The following CPED1 variants were observed in gnomAD, a reference collection of about 807,000 sequenced individuals.
CPED1 encodes cadherin-like and PC-esterase domain-containing protein 1.
Under a neutral mutation model 128.2 loss-of-function variants are expected in CPED1, and 114 were observed. That is an observed-to-expected ratio of 0.89 (90% CI 0.76 to 1.04). CPED1 has a LOEUF of 1.04. CPED1 is among the 50% of genes least tolerant of loss of function. CPED1 has a pLI of 0.00. For synonymous variants in CPED1, 462 were observed against 426.7 expected, an observed-to-expected ratio of 1.08 and a Z score of -1.02; for missense variants, 1,211 against 1,207.1, an observed-to-expected ratio of 1.00 and a Z score of -0.05.
rs750240679 is a variant in CPED1, at chr7:121,128,439, A to G, written c.1360A>G (p.Ile454Val). The change falls in exon 11 of 23, where the codon ATT (isoleucine) becomes GTT (valine). Residue 454 changes from isoleucine to valine, a missense_variant. Ile to Val is a conservative substitution (Grantham distance 29, BLOSUM62 3). Coordinates refer to ENST00000310396, the MANE Select transcript of CPED1 (RefSeq NM_024913.5). ...QCLSLEEINS[I>V]MTFIKELGSL... ...TCTGTCCTTAGAAGAAATTAACTCA[A>G]TTATGACTTTCATAAAGGAACTTGG... 53 of 1,604,504 alleles carry G rather than the reference A, an allele frequency of 3.3e-5. No homozygotes were observed. The highest frequency in any genetic ancestry group is 5.5e-5 in the South Asian group (5 of 90,884).
chr7:121,057,548 G>A (rs897679167), intron 4 of CPED1, among the ~76,000 whole-genome samples: 1 of 152,102 alleles, frequency 6.6e-6, no homozygotes, highest in Admixed American at 6.6e-5. Context: ...TTCTGTTTCT[G>A]ACTTAATTCA....
chr7:121,099,617 C>G (rs1050300468), intron 6 of CPED1, among the ~76,000 whole-genome samples: 2 of 152,178 alleles, frequency 1.3e-5, no homozygotes, highest in Non-Finnish European at 2.9e-5. Flanking sequence ...CCGCCTGTCT[C>G]GGCCTCCCAA....
rs1793512820 is a variant in CPED1 at position 121,056,936 on chromosome 7, C to T, written c.541-7302C>T. Among the ~76,000 whole-genome samples the T allele has an allele frequency of 2.6e-5, 4 of 152,186 alleles. No individual in the cohort carries two copies. The South Asian group carries it at 8.3e-4, about 32-fold the overall frequency. On this transcript the variant is annotated intron_variant, in intron 4 of 22. Transcript: ENST00000310396. ...GTGATAAAAACATTTCAAGTCCTCTCTTCTCGTTATTTGAAATATACAACA... is the reference window on the plus strand; with the variant it reads ...GTGATAAAAACATTTCAAGTCCTCTTTTCTCGTTATTTGAAATATACAACA...
At chr7:120,990,170 T>G (rs1795490740) in intron 2 of CPED1, among the ~76,000 whole-genome samples, 1 of 152,200 alleles carries the variant, frequency 6.6e-6, no homozygotes, top group African/African-American at 2.4e-5. Flanking sequence ...AATATCAGTA[T>G]TCTAAGAGAT....
At chr7:121,240,976 G>T (rs73438230) in intron 17 of CPED1, among the ~76,000 whole-genome samples, 2,311 of 152,134 alleles carry the variant, frequency 0.015, 60 homozygotes, top group African/African-American at 0.052. Flanking sequence ...GAGGAGGTTG[G>T]TTATTAATGA....
In CPED1 at chr7:121,266,697, T is replaced by C; in HGVS notation, c.2532-10T>C. On this transcript the variant is annotated splice_polypyrimidine_tract_variant and intron_variant, in intron 19 of 22. Coordinates refer to ENST00000310396, the MANE Select transcript of CPED1 (RefSeq NM_024913.5). ...GGGCAACATGTGTTGTTTTTCTTTC[T>C]GAATTTCAGATCACGTCCCCTAGAG... 6.2e-7 allele frequency: 1 copy of C among 1,607,348 alleles called. No homozygotes were observed. The highest frequency in any genetic ancestry group is 8.5e-7 in the Non-Finnish European group (1 of 1,174,392).
chr7:121,180,149 T>C (rs1427453723), intron 16 of CPED1, among the ~76,000 whole-genome samples: 1 of 152,046 alleles, frequency 6.6e-6, no homozygotes, highest in African/African-American at 2.4e-5. Context: ...GGTAGCTTTC[T>C]TCCTGACAAA....
At chr7:120,998,780 T>C (rs1367060792) in intron 2 of CPED1, among the ~76,000 whole-genome samples, 1 of 151,992 alleles carries the variant, frequency 6.6e-6, no homozygotes, top group East Asian at 1.9e-4. Flanking sequence ...TCAGACTTGC[T>C]TATTTATAGG....
intron 3 of CPED1, among the ~76,000 whole-genome samples, chr7:121,043,144 A>G (rs187958797): frequency 1.3e-5 from 2 of 152,300 alleles, no homozygotes; most frequent in Non-Finnish European, 1.5e-5. Context: ...CAGGCTCAAC[A>G]TGGAAAAAAG....
intron 16 of CPED1, among the ~76,000 whole-genome samples, chr7:121,231,141 G>A (rs1273267083): frequency 6.6e-6 from 1 of 152,072 alleles, no homozygotes; most frequent in African/African-American, 2.4e-5. Context: ...TAAAGGCTGG[G>A]TAACAGAAAG....
At chr7:121,081,078 A>T (rs943358445) in intron 5 of CPED1, among the ~76,000 whole-genome samples, 1 of 152,174 alleles carries the variant, frequency 6.6e-6, no homozygotes, top group Non-Finnish European at 1.5e-5. Flanking sequence ...TGGAAAGGTG[A>T]TGCTCGTTAT....
At chr7:121,068,981 T>C (rs1480213767) in intron 5 of CPED1, among the ~76,000 whole-genome samples, 1 of 152,156 alleles carries the variant, frequency 6.6e-6, no homozygotes, top group Non-Finnish European at 1.5e-5. Context: ...GAATCTTTAA[T>C]AATGTGCAGT....
At chr7:121,235,883 C>T (rs1417095869) in intron 16 of CPED1, among the ~76,000 whole-genome samples, 1 of 152,064 alleles carries the variant, frequency 6.6e-6, no homozygotes, top group Non-Finnish European at 1.5e-5. Flanking sequence ...AAGATGTCTC[C>T]ATGCAAAATT....
rs549531204 is a variant in CPED1 at position 121,238,196 on chromosome 7, C to T, written c.2173+1365C>T. Among the ~76,000 whole-genome samples the T allele has an allele frequency of 3.9e-5, 6 of 152,196 alleles. No homozygotes were observed. The South Asian group carries it at 6.2e-4, about 16-fold the overall frequency. On this transcript the variant is annotated intron_variant, in intron 17 of 22. Coordinates refer to ENST00000310396, the MANE Select transcript of CPED1 (RefSeq NM_024913.5). The stretch of plus-strand genomic sequence containing the variant: ...TGTGCCTGGACATTGTGGGTGAGGC[C>T]GCCATAGAACGGTGGCCTTCTGGTA...
Position 121,099,998 on chromosome 7 carries a change from G to GT in CPED1, c.823dup (p.Tyr275LeufsTer38). ...AAGATCTATCTGTGATTCTTAAAGC[G>GT]TATGTGTTGGTGACGTCCTTAACCC... On this transcript the variant is annotated frameshift_variant, in exon 7 of 23. Coordinates refer to ENST00000310396, the MANE Select transcript of CPED1 (RefSeq NM_024913.5). LOFTEE classifies it high-confidence loss of function. 6.2e-7 allele frequency: 1 copy of GT among 1,613,298 alleles called. No homozygotes were observed. The highest frequency in any genetic ancestry group is 1.7e-4 in the Middle Eastern group (1 of 6,052).
chr7:121,130,919 A>G (rs1473793753), intron 12 of CPED1, among the ~76,000 whole-genome samples: 1 of 152,072 alleles, frequency 6.6e-6, no homozygotes, highest in Non-Finnish European at 1.5e-5. Context: ...ACTGAGATGG[A>G]TAAAATTTTA....
intron 2 of CPED1, among the ~76,000 whole-genome samples, chr7:121,003,721 C>T (rs1334180635): frequency 1.3e-5 from 2 of 151,976 alleles, no homozygotes; most frequent in Non-Finnish European, 2.9e-5. Context: ...AGGCACCTCT[C>T]GAGGGAAAGC....
intron 16 of CPED1, among the ~76,000 whole-genome samples, chr7:121,172,969 A>G (rs1796688829): frequency 5.3e-5 from 8 of 152,168 alleles, no homozygotes; most frequent in Admixed American, 5.2e-4. Flanking sequence ...ACACATATCT[A>G]CTGCCCTATG....
chr7:120,996,464 A>G (rs1032783032), intron 2 of CPED1, among the ~76,000 whole-genome samples: 1 of 152,056 alleles, frequency 6.6e-6, no homozygotes, highest in African/African-American at 2.4e-5. Flanking sequence ...TTATTCAGAA[A>G]CATTAGTCTC....
Sources: gnomAD v4.1 joint callset for allele counts (sites outside exome capture counted in the v4.1 genomes callset) on GRCh38, gnomAD v4.1.1 for gene constraint, MANE v1.5 for transcripts, NCBI Gene and HGNC (gene_info 2026-07-23, HGNC 2026-07-21) for gene names.